Variants in MACROH2A2 observed in about 807,000 individuals in gnomAD.
The protein encoded by MACROH2A2 is macroH2A.2 histone.
MACROH2A2 carries 6 observed loss-of-function variants against 37.6 expected under a neutral mutation model. That is an observed-to-expected ratio of 0.16 (90% confidence interval 0.09 to 0.32). The LOEUF is 0.32. Among genes scored for constraint, MACROH2A2 ranks in the 10% least tolerant of loss-of-function variants. MACROH2A2 has a pLI of 1.00. For missense variants in MACROH2A2, 290 were observed against 485.9 expected, an observed-to-expected ratio of 0.60 and a Z score of 3.79; for synonymous variants, 192 against 202.7, an observed-to-expected ratio of 0.95 and a Z score of 0.45.
At chr10:70,105,237 CGTT>C (rs1267485661) in intron 7 of MACROH2A2, among the ~76,000 whole-genome samples, 1 of 152,212 alleles carries the variant, frequency 6.6e-6, no homozygotes, top group African/African-American at 2.4e-5. Flanking sequence ...AACCAGTTCA[CGTT>C]AAGCATCTAC....
chr10:70,107,118 G>A lies in MACROH2A2; in HGVS notation c.779-1915G>A, dbSNP rs1018495834. ...CACGCATGGCGGGCCCCTACCCAGG[G>A]CCTCGGTGTATTGTGTGGCCTGGGT... On this transcript the variant is annotated intron_variant, in intron 7 of 8. Coordinates refer to ENST00000373255, the MANE Select transcript of MACROH2A2 (RefSeq NM_018649.3). This position sits in a 1 kb window ranked among gnomAD's most constrained non-coding sequence, Gnocchi z 4.4. 1.8e-4 allele frequency among the ~76,000 whole-genome samples: 28 copies of A among 152,150 alleles called. No homozygotes were observed. Among genetic ancestry groups the A allele is most frequent in the African/African-American group, 6.5e-4 (27 of 41,444 alleles).
chr10:70,109,106 C>A lies in MACROH2A2; in HGVS notation c.852C>A (p.Asp284Glu), dbSNP rs1370942755. 2 of 1,614,134 alleles carry A rather than the reference C, an allele frequency of 1.2e-6. No homozygotes were observed. Among genetic ancestry groups the A allele is most frequent in the East Asian group, 2.2e-5 (1 of 44,888 alleles). The change falls in exon 8 of 9, where the codon GAC becomes GAA. Residue 284 changes from aspartate to glutamate, a missense_variant. Coordinates refer to ENST00000373255, the MANE Select transcript of MACROH2A2 (RefSeq NM_018649.3). ...GTCACATCCCTCAGTGGGGCTCCGACAAATGTGAAGAACAGCTTGAAGAGA... is the reference window on the plus strand; with the variant it reads ...GTCACATCCCTCAGTGGGGCTCCGAAAAATGTGAAGAACAGCTTGAAGAGA... ...IHCHIPQWGSDKCEEQLEETI... is the reference protein window; with the variant it reads ...IHCHIPQWGSEKCEEQLEETI...
intron 7 of MACROH2A2, among the ~76,000 whole-genome samples, chr10:70,108,415 G>T (rs1476296366): frequency 3.3e-5 from 5 of 152,090 alleles, no homozygotes; most frequent in Non-Finnish European, 5.9e-5. Flanking sequence ...CTCAGGGAAG[G>T]ATCCCTTCCT....
intron 8 of MACROH2A2, among the ~76,000 whole-genome samples, chr10:70,110,105 G>A (rs1468198570): frequency 1.3e-5 from 2 of 152,206 alleles, no homozygotes; most frequent in African/African-American, 4.8e-5. Context: ...GCTGTGAGAT[G>A]CATTCTTTCG....
In MACROH2A2 at chr10:70,075,466, C is replaced by A. The variant is rs1260788351; in HGVS notation, c.-59-134C>A. 2 of 588,744 alleles carry A rather than the reference C, an allele frequency of 3.4e-6. No homozygotes were observed. The highest frequency in any genetic ancestry group is 6.1e-5 in the Admixed American group (2 of 32,636). 36.5% of individuals were successfully genotyped at this position (588,744 alleles called of 1,614,324 possible). A position where few individuals can be genotyped will look rare whatever the true frequency, so the allele number is the denominator to read the frequency against. On this transcript the variant is annotated intron_variant, in intron 1 of 8. Coordinates refer to ENST00000373255, the MANE Select transcript of MACROH2A2 (RefSeq NM_018649.3). The surrounding 1 kb of genome is among the most constrained non-coding windows in gnomAD (Gnocchi z 5.0). ...ATGCCTGACTCCGTGCCTCCTGCAC[C>A]TGCAGTAGCAGCCAGATTTCAGCTG...
chr10:70,065,207 G>A (rs1482831397), intron 1 of MACROH2A2, among the ~76,000 whole-genome samples: 1 of 151,814 alleles, frequency 6.6e-6, no homozygotes. Context: ...CTCTCTAGTA[G>A]CTGGGATTAC....
At position 70,107,230 on chromosome 10, in the gene MACROH2A2, A is replaced by G. The variant is rs1209125624; in HGVS notation, c.779-1803A>G. On this transcript the variant is annotated intron_variant, in intron 7 of 8. Transcript: ENST00000373255. The surrounding 1 kb of genome is among the most constrained non-coding windows in gnomAD (Gnocchi z 4.4). ...AGCCTACAGCCTCCCCTGATGGACGAAGGGGTCCCTTGGATTTGGCTTCTA... is the reference window on the plus strand; with the variant it reads ...AGCCTACAGCCTCCCCTGATGGACGGAGGGGTCCCTTGGATTTGGCTTCTA... Among the ~76,000 whole-genome samples, 2 of 152,172 alleles carry G rather than the reference A, an allele frequency of 1.3e-5. No individual in the cohort carries two copies. Among genetic ancestry groups the G allele is most frequent in the African/African-American group, 2.4e-5 (1 of 41,444 alleles).
Position 70,053,806 on chromosome 10 carries a change from C to T in MACROH2A2, c.-60+806C>T, listed in dbSNP as rs2071991958. ...GCCGTGGCTCGCCTGGGCAGTCTGG[C>T]TCCCGCTTTGCGCGGGAAAAAATAA... On this transcript the variant is annotated intron_variant, in intron 1 of 8. Coordinates refer to ENST00000373255, the MANE Select transcript of MACROH2A2 (RefSeq NM_018649.3). The surrounding 1 kb of genome is among the most constrained non-coding windows in gnomAD (Gnocchi z 4.8). 6.6e-6 allele frequency among the ~76,000 whole-genome samples: 1 copy of T among 152,042 alleles called. No individual in the cohort carries two copies. The highest frequency in any genetic ancestry group is 6.5e-5 in the Admixed American group (1 of 15,268).
At chr10:70,105,330 G>A (rs1301300533) in intron 7 of MACROH2A2, among the ~76,000 whole-genome samples, 1 of 152,172 alleles carries the variant, frequency 6.6e-6, no homozygotes, top group Non-Finnish European at 1.5e-5. Flanking sequence ...ACAACCAGGC[G>A]GGGACCCCAG....
chr10:70,084,739 C>G (rs1351578711), intron 2 of MACROH2A2, among the ~76,000 whole-genome samples: 2 of 152,088 alleles, frequency 1.3e-5, no homozygotes, highest in Non-Finnish European at 2.9e-5. Flanking sequence ...GTAGGTGGAA[C>G]TACAGGCACA....
chr10:70,111,772 C>A lies in MACROH2A2; in HGVS notation c.*89C>A. ...TAAAAGGAGAGAGGAGGGGTGATGGCAGGGGAGTGGAGGGTGGCCGGGCAG... is the reference window on the plus strand; with the variant it reads ...TAAAAGGAGAGAGGAGGGGTGATGGAAGGGGAGTGGAGGGTGGCCGGGCAG... On this transcript the variant is annotated 3_prime_UTR_variant, in exon 9 of 9. Coordinates refer to ENST00000373255, the MANE Select transcript of MACROH2A2 (RefSeq NM_018649.3). The A allele has an allele frequency of 8.3e-7, 1 of 1,201,790 alleles. No individual in the cohort carries two copies. The highest frequency in any genetic ancestry group is 1.1e-6 in the Non-Finnish European group (1 of 890,356). The allele number at this position is 1,201,790 out of a possible 1,614,324, so 74.4% of individuals were successfully genotyped here.
chr10:70,110,199 G>C (rs1313413891), intron 8 of MACROH2A2, among the ~76,000 whole-genome samples: 1 of 152,164 alleles, frequency 6.6e-6, no homozygotes, highest in African/African-American at 2.4e-5. Flanking sequence ...TCCTGGACCT[G>C]CTCCAGGGGT....
intron 7 of MACROH2A2, among the ~76,000 whole-genome samples, chr10:70,103,526 G>C (rs1564547814): frequency 6.6e-6 from 1 of 152,160 alleles, no homozygotes; most frequent in African/African-American, 2.4e-5. Flanking sequence ...CTTCTAAACA[G>C]AGTTCCAAAG....
chr10:70,062,475 G>A lies in MACROH2A2; in HGVS notation c.-60+9475G>A, dbSNP rs1371957295. ...CATGTTCATGAAAACAATGTTTAAA[G>A]TTTTTTTTAAATTTCAATTCCATCA... On this transcript the variant is annotated intron_variant, in intron 1 of 8. Coordinates refer to ENST00000373255, the MANE Select transcript of MACROH2A2 (RefSeq NM_018649.3). Among the ~76,000 whole-genome samples the A allele has an allele frequency of 2.6e-5, 4 of 152,052 alleles. No individual in the cohort carries two copies. In the South Asian group the frequency reaches 6.2e-4, roughly 24 times the overall value.
chr10:70,086,023 G>A, intron 2 of MACROH2A2, among the ~76,000 whole-genome samples: 2 of 150,706 alleles, frequency 1.3e-5, no homozygotes, highest in Admixed American at 6.6e-5. Context: ...TTAGAGGCAG[G>A]GTCTCCTCTG....
intron 1 of MACROH2A2, among the ~76,000 whole-genome samples, chr10:70,065,894 G>A (rs1026396249): frequency 1.3e-5 from 2 of 152,192 alleles, no homozygotes; most frequent in African/African-American, 4.8e-5. Context: ...CAAATGCTGA[G>A]CAGGGTTCAA....
chr10:70,109,362 C>T (rs1402787107), intron 8 of MACROH2A2, among the ~76,000 whole-genome samples, 155 bp downstream of exon 8: 1 of 152,240 alleles, frequency 6.6e-6, no homozygotes, highest in African/African-American at 2.4e-5. Flanking sequence ...TTTCATCCTT[C>T]AGAAACCATG....
intron 1 of MACROH2A2, among the ~76,000 whole-genome samples, chr10:70,056,002 C>G (rs973734281): frequency 3.9e-5 from 6 of 152,072 alleles, no homozygotes; most frequent in African/African-American, 1.4e-4. Context: ...CCAAGATGTA[C>G]TATTAATGAA....
chr10:70,105,558 C>T (rs1433556511), intron 7 of MACROH2A2, among the ~76,000 whole-genome samples: 2 of 152,114 alleles, frequency 1.3e-5, no homozygotes, highest in South Asian at 2.1e-4. Context: ...GGAGAGGGGC[C>T]GACCATGAAG....
Sources: gnomAD v4.1 joint callset for allele counts (sites outside exome capture counted in the v4.1 genomes callset) on GRCh38, gnomAD v4.1.1 for gene constraint, Gnocchi (gnomAD v3.1) non-coding constraint, MANE v1.5 for transcripts, NCBI Gene and HGNC (gene_info 2026-07-23, HGNC 2026-07-21) for gene names.